The following ATAD2B variants were observed in gnomAD, a reference collection of about 807,000 sequenced individuals.
ATAD2B encodes ATPase family AAA domain containing 2B, also known as ATPase family AAA domain-containing protein 2B.
A neutral mutation model predicts 167.6 loss-of-function variants in ATAD2B; 40 were observed. That is an observed-to-expected ratio of 0.24 (90% CI 0.19 to 0.31). ATAD2B has a LOEUF of 0.31. Among genes scored for constraint, ATAD2B ranks in the 10% least tolerant of loss-of-function variants. ATAD2B has a pLI of 1.00. For missense variants in ATAD2B, 1,242 were observed against 1,757.2 expected, an observed-to-expected ratio of 0.71 and a Z score of 5.24; for synonymous variants, 579 against 596.5, an observed-to-expected ratio of 0.97 and a Z score of 0.43.
At chr2:23,890,202 G>A (rs752513451) in intron 2 of ATAD2B, among the ~76,000 whole-genome samples, 7 of 151,944 alleles carry the variant, frequency 4.6e-5, no homozygotes, top group Admixed American at 1.3e-4. Flanking sequence ...GTGACAGAGC[G>A]AGACTCCGTC....
At position 23,810,455 on chromosome 2, in the gene ATAD2B, G is replaced by A; in HGVS notation, c.2315C>T (p.Ser772Phe). 1.2e-6 allele frequency: 2 copies of A among 1,613,978 alleles called. No individual in the cohort carries two copies. The highest frequency in any genetic ancestry group is 1.7e-6 in the Non-Finnish European group (2 of 1,179,862). ...PTSYRPRLLL[S>F]GERGSGQTSH... ...AGTTTGACCTGAGCCCCGTTCTCCA[G>A]AGAGCAATAAGCGTGGCCTGTAAGA... The change falls in exon 18 of 28, where the codon TCT becomes TTT. Residue 772 changes from serine to phenylalanine, a missense_variant. Coordinates refer to ENST00000238789, the MANE Select transcript of ATAD2B (RefSeq NM_017552.4).
chr2:23,758,032 T>C lies in ATAD2B; in HGVS notation c.3464A>G (p.Asn1155Ser), dbSNP rs1234230128. 3 of 1,608,728 alleles carry C rather than the reference T, an allele frequency of 1.9e-6. No homozygotes were observed. Among genetic ancestry groups the C allele is most frequent in the Admixed American group, 3.4e-5 (2 of 59,232 alleles). The change falls in exon 25 of 28, where the codon AAT becomes AGT. Residue 1155 changes from asparagine to serine, a missense_variant. Physicochemically the swap from Asn to Ser is conservative, Grantham distance 46. Coordinates refer to ENST00000238789, the MANE Select transcript of ATAD2B (RefSeq NM_017552.4). ...GTCTTCTTCATCTTTTTTTAAATTA[T>C]TAACTTTCCTTTTCTTAATAATTCC... The part of the protein sequence containing the change: ...GKGIIKKRKV[N>S]NLKKDEEDTK...
chr2:23,712,860 A>G, the ATAD2B span, among the ~76,000 whole-genome samples: 15 of 152,178 alleles, frequency 9.9e-5, no homozygotes, highest in African/African-American at 3.6e-4. Flanking sequence ...GAACATATGC[A>G]GGTCATTTGG....
At chr2:23,789,526 A>C (rs1255472175) in intron 19 of ATAD2B, among the ~76,000 whole-genome samples, 1 of 152,070 alleles carries the variant, frequency 6.6e-6, no homozygotes, top group Non-Finnish European at 1.5e-5. Context: ...GATTTTTGTT[A>C]CCCAGCCCAA....
At chr2:23,888,914 T>C (rs1323437922) in intron 2 of ATAD2B, among the ~76,000 whole-genome samples, 3 of 152,170 alleles carry the variant, frequency 2.0e-5, no homozygotes, top group Admixed American at 1.3e-4. Context: ...CAATTCTCTC[T>C]TTTGGGTGGA....
chr2:23,761,789 C>A (rs1182977828), intron 24 of ATAD2B, among the ~76,000 whole-genome samples: 2 of 152,158 alleles, frequency 1.3e-5, no homozygotes, highest in African/African-American at 4.8e-5. Flanking sequence ...AAAATAGTCT[C>A]TCAGAAAAAT....
intron 13 of ATAD2B, among the ~76,000 whole-genome samples, chr2:23,853,805 A>G (rs1478532965): frequency 1.3e-5 from 2 of 152,264 alleles, no homozygotes; most frequent in East Asian, 1.9e-4. Flanking sequence ...AGACAGTGGT[A>G]TAAGGATAGA....
intron 18 of ATAD2B, among the ~76,000 whole-genome samples, chr2:23,807,986 T>C (rs1572845540): frequency 8.5e-6 from 1 of 117,136 alleles, no homozygotes; most frequent in Non-Finnish European, 1.7e-5. Context: ...TATATTTATA[T>C]ATAAATTTAG....
chr2:23,766,034 C>T (rs1234550613), intron 22 of ATAD2B, among the ~76,000 whole-genome samples: 1 of 152,134 alleles, frequency 6.6e-6, no homozygotes, highest in Non-Finnish European at 1.5e-5. Flanking sequence ...TTAAATTTCT[C>T]CTAAGTTGAC....
At chr2:23,778,161 G>GA (rs1387082634) in intron 22 of ATAD2B, among the ~76,000 whole-genome samples, 1 of 151,934 alleles carries the variant, frequency 6.6e-6, no homozygotes, top group East Asian at 1.9e-4. Context: ...TGAAAGATAT[G>GA]AAAAAAATCT....
the ATAD2B span, among the ~76,000 whole-genome samples, chr2:23,700,777 C>T: frequency 6.6e-6 from 1 of 152,218 alleles, no homozygotes; most frequent in East Asian, 1.9e-4. This position sits in a 1 kb window ranked among gnomAD's most constrained non-coding sequence, Gnocchi z 4.6. Context: ...GTGCCCTTGA[C>T]TACAGAGCAG....
chr2:23,702,426 T>C, the ATAD2B span, among the ~76,000 whole-genome samples: 11 of 152,212 alleles, frequency 7.2e-5, no homozygotes, highest in African/African-American at 2.4e-4. Context: ...AAAATTGCAA[T>C]CATTTTGCAC....
intron 18 of ATAD2B, among the ~76,000 whole-genome samples, chr2:23,807,832 T>A (rs1470282429): frequency 8.1e-4 from 107 of 132,068 alleles, no homozygotes; most frequent in Admixed American, 3.4e-3. Flanking sequence ...AAAAAAAATA[T>A]ATATATATAT....
chr2:23,867,241 T>C (rs1379966275), intron 10 of ATAD2B, among the ~76,000 whole-genome samples: 1 of 152,178 alleles, frequency 6.6e-6, no homozygotes, highest in East Asian at 1.9e-4. Flanking sequence ...CAAGCCATTC[T>C]CCATCCAGAC....
At chr2:23,682,999 G>A in the ATAD2B span, among the ~76,000 whole-genome samples, 2 of 152,232 alleles carry the variant, frequency 1.3e-5, no homozygotes, top group Admixed American at 6.5e-5. The surrounding 1 kb of genome is among the most constrained non-coding windows in gnomAD (Gnocchi z 4.1). Flanking sequence ...CTTCAGCAGA[G>A]CCCAGTGTGT....
At chr2:23,748,011 A>G (rs1572607284), downstream of ATAD2B, among the ~76,000 whole-genome samples, 2 of 152,266 alleles carry the variant, frequency 1.3e-5, no homozygotes, top group East Asian at 3.9e-4. Flanking sequence ...TATGTTTTGC[A>G]GGTTTATTAT....
At chr2:23,736,769 G>A in the ATAD2B span, among the ~76,000 whole-genome samples, 1 of 152,160 alleles carries the variant, frequency 6.6e-6, no homozygotes, top group Non-Finnish European at 1.5e-5. Context: ...GAAGTGCAAG[G>A]GGTCAGGGAA....
rs1250331232 is a variant in ATAD2B at position 23,875,865 on chromosome 2, T to C, written c.941A>G (p.Asp314Gly). The C allele has an allele frequency of 6.2e-7, 1 of 1,610,692 alleles. No individual in the cohort carries two copies. Among genetic ancestry groups the C allele is most frequent in the Admixed American group, 1.7e-5 (1 of 59,664 alleles). The stretch of plus-strand genomic sequence containing the variant: ...TCTTCTTGCTGGAGATCTATGAATA[T>C]CAAACAGCGTGTTTTCCCTCTTTTT... ...HQKKRENTLFDIHRSPARRSH... is the reference protein window; with the variant it reads ...HQKKRENTLFGIHRSPARRSH... Residue 314 changes from aspartate (D) to glycine (G), a missense_variant, in exon 8 of 28, where the codon GAT (aspartate) becomes GGT (glycine). Asp to Gly is a moderately conservative substitution (Grantham distance 94). Coordinates refer to ENST00000238789, the MANE Select transcript of ATAD2B (RefSeq NM_017552.4).
chr2:23,881,908 A>C (rs1558723283), intron 6 of ATAD2B, among the ~76,000 whole-genome samples: 1 of 151,858 alleles, frequency 6.6e-6, no homozygotes. Context: ...TTTTCAGTAG[A>C]GACGGGGTTT....
Sources: gnomAD v4.1 joint callset for allele counts (sites outside exome capture counted in the v4.1 genomes callset) on GRCh38, gnomAD v4.1.1 for gene constraint, Gnocchi (gnomAD v3.1) non-coding constraint, MANE v1.5 for transcripts, NCBI Gene and HGNC (gene_info 2026-07-23, HGNC 2026-07-21) for gene names.